LAMB4: variants seen among roughly 807,000 people sequenced by gnomAD.
LAMB4 encodes laminin subunit beta-4.
A neutral mutation model predicts 199.2 loss-of-function variants in LAMB4; 196 were observed. That is an observed-to-expected ratio of 0.98 (90% CI 0.88 to 1.11). The LOEUF (loss-of-function observed/expected upper bound fraction) is 1.11, where lower values mean the gene tolerates loss of function less well. Ranked by LOEUF, LAMB4 falls within the 50% of genes least tolerant of loss-of-function variation. The probability of loss-of-function intolerance (pLI) is 0.00; values close to 1 mark genes in which losing one functional copy is unlikely to be tolerated. For missense variants in LAMB4, 2,080 were observed against 2,171.2 expected (o/e 0.96, Z 0.83); for synonymous variants, 744 against 770.6 (o/e 0.97, Z 0.57).
chr7:108,058,866 A>G (rs1205374998), intron 23 of LAMB4, among the ~76,000 whole-genome samples: 1 of 152,082 alleles, frequency 6.6e-6, no homozygotes, highest in Non-Finnish European at 1.5e-5. Flanking sequence ...CATGTTGGCC[A>G]GGCTGGTCTC....
chr7:108,047,353 C>T (rs945264675), intron 28 of LAMB4, among the ~76,000 whole-genome samples: 1 of 152,088 alleles, frequency 6.6e-6, no homozygotes, highest in African/African-American at 2.4e-5. Context: ...GCAAGACCAA[C>T]CCCTCTTCTT....
At chr7:108,101,963 G>T (rs1007599203) in intron 10 of LAMB4, among the ~76,000 whole-genome samples, 1 of 152,116 alleles carries the variant, frequency 6.6e-6, no homozygotes. Context: ...ACCAAGTGTC[G>T]GCAAGGAAGC....
chr7:108,060,226 A>G (rs1296162163), intron 23 of LAMB4, among the ~76,000 whole-genome samples: 2 of 152,236 alleles, frequency 1.3e-5, no homozygotes, highest in East Asian at 1.9e-4. Flanking sequence ...AACCAATACC[A>G]TCTAACTTTC....
At chr7:108,090,393 C>T (rs34748140) in intron 14 of LAMB4, among the ~76,000 whole-genome samples, 7,600 of 152,138 alleles carry the variant, frequency 0.05, 286 homozygotes, top group Middle Eastern at 0.18. Context: ...TATTTTCTAA[C>T]TTGTTAAGAA....
chr7:108,064,100 A>G, intron 21 of LAMB4, 115 bp from the exon 22 acceptor site: 1 of 738,050 alleles, frequency 1.4e-6, no homozygotes, highest in Non-Finnish European at 2.4e-6. Context: ...ATGAGAAATC[A>G]CACATTCGGG....
chr7:108,084,552 A>T (rs1283904710), intron 14 of LAMB4, among the ~76,000 whole-genome samples: 1 of 152,058 alleles, frequency 6.6e-6, no homozygotes, highest in Non-Finnish European at 1.5e-5. Flanking sequence ...TTCCTTGTTG[A>T]CCCATTTGCA....
In LAMB4 at chr7:108,078,226, A is replaced by C; in HGVS notation, c.1978T>G (p.Ser660Ala). 6.2e-7 allele frequency: 1 copy of C among 1,610,532 alleles called. No individual in the cohort carries two copies. Among genetic ancestry groups the C allele is most frequent in the Non-Finnish European group, 8.5e-7 (1 of 1,178,288 alleles). ...IPKTLQSKPQ[S>A]FALPAATRIM... ...CTCGTAGCCGCTGGTAAGGCAAAAG[A>C]CTGAGGCTTTGACTGTAGAGTCTTG... is the stretch of plus-strand genomic sequence containing the variant. The change falls in exon 16 of 34, where the codon TCT becomes GCT. Residue 660 changes from serine to alanine, a missense_variant. Physicochemically the swap from Ser to Ala is moderately conservative, Grantham distance 99. Transcript: ENST00000388781.
At chr7:108,055,236 CA>C (rs2035942993) in intron 25 of LAMB4, among the ~76,000 whole-genome samples, 1 of 150,532 alleles carries the variant, frequency 6.6e-6, no homozygotes, top group Non-Finnish European at 1.5e-5. Context: ...GCCCAGGCTG[CA>C]GTGCAATGGC....
At chr7:108,086,433 C>T (rs773585419) in intron 14 of LAMB4, among the ~76,000 whole-genome samples, 41 of 152,132 alleles carry the variant, frequency 2.7e-4, no homozygotes, top group Non-Finnish European at 5.1e-4. Flanking sequence ...TGACACTGTA[C>T]ACATGCACAC....
intron 32 of LAMB4, among the ~76,000 whole-genome samples, chr7:108,029,619 A>G (rs1241995936): frequency 6.6e-6 from 1 of 152,182 alleles, no homozygotes; most frequent in African/African-American, 2.4e-5. Flanking sequence ...AACATCAAGG[A>G]TATGTTATTT....
chr7:108,053,890 A>G (rs1347462439), intron 25 of LAMB4, among the ~76,000 whole-genome samples: 2 of 152,246 alleles, frequency 1.3e-5, no homozygotes, highest in Non-Finnish European at 2.9e-5. Flanking sequence ...AGGGCTTCTT[A>G]CAAGTGCTAT....
At chr7:108,041,992 A>G (rs1387910061) in intron 29 of LAMB4, among the ~76,000 whole-genome samples, 2 of 152,216 alleles carry the variant, frequency 1.3e-5, no homozygotes, top group Non-Finnish European at 2.9e-5. Context: ...AAATTTTTAT[A>G]TATAGAACTT....
In LAMB4 at chr7:108,104,619, C is replaced by T. The variant is rs772448404; in HGVS notation, c.871G>A (p.Val291Ile). 2 of 1,613,754 alleles carry T rather than the reference C, an allele frequency of 1.2e-6. No homozygotes were observed. Among genetic ancestry groups the T allele is most frequent in the Non-Finnish European group, 1.7e-6 (2 of 1,179,902 alleles). The change falls in exon 9 of 34, where the codon GTT becomes ATT. Residue 291 changes from valine to isoleucine, a missense_variant and splice_region_variant. Physicochemically the swap from Val to Ile is conservative, Grantham distance 29. Transcript: ENST00000388781. The stretch of plus-strand genomic sequence containing the variant: ...TGCTGACACACACACTGACCGTGAA[C>T]CTGCATTGTGCAATAAATAGAGCGT... The part of the protein sequence containing the change: ...RGDVFSPPGM[V>I]HGQCVCQHNT...
chr7:108,034,646 C>G (rs936780889), intron 30 of LAMB4, among the ~76,000 whole-genome samples: 1 of 152,130 alleles, frequency 6.6e-6, no homozygotes, highest in Non-Finnish European at 1.5e-5. Flanking sequence ...CACATAAAAA[C>G]TATCCCGTGA....
chr7:108,080,136 T>C (rs1199888389), intron 14 of LAMB4, among the ~76,000 whole-genome samples: 2 of 152,218 alleles, frequency 1.3e-5, no homozygotes, highest in Non-Finnish European at 2.9e-5. Context: ...TCCCAAAATA[T>C]GGAGGCTATT....
At chr7:108,114,191 G>A (rs2038331000) in intron 3 of LAMB4, among the ~76,000 whole-genome samples, 1 of 152,204 alleles carries the variant, frequency 6.6e-6, no homozygotes, top group Non-Finnish European at 1.5e-5. Context: ...GGAGGCTGAG[G>A]CAGACGGATC....
intron 4 of LAMB4, among the ~76,000 whole-genome samples, chr7:108,111,183 A>G (rs1320286764): frequency 6.6e-6 from 1 of 152,214 alleles, no homozygotes; most frequent in African/African-American, 2.4e-5. Flanking sequence ...CATGAGGCCC[A>G]TGGCTGGGGG....
At chr7:108,066,108 T>C (rs568712959) in intron 20 of LAMB4, among the ~76,000 whole-genome samples, 189 bp from the exon 21 acceptor site, 1 of 152,338 alleles carries the variant, frequency 6.6e-6, no homozygotes, top group East Asian at 1.9e-4. Flanking sequence ...TTAAACTCTA[T>C]GTAATAGCAC....
chr7:108,083,622 T>C (rs1170953619), intron 14 of LAMB4, among the ~76,000 whole-genome samples: 1 of 152,206 alleles, frequency 6.6e-6, no homozygotes, highest in Non-Finnish European at 1.5e-5. Context: ...AAGATGCAGC[T>C]GAAGCATTAG....
Sources: allele counts gnomAD v4.1 joint callset (sites outside exome capture counted in the v4.1 genomes callset), GRCh38; gene constraint gnomAD v4.1.1; transcripts MANE v1.5; gene names NCBI Gene and HGNC (gene_info 2026-07-23, HGNC 2026-07-21).